Variants in MIPOL1 observed in about 807,000 individuals in gnomAD.
The protein encoded by MIPOL1 is mirror-image polydactyly gene 1 protein.
A neutral mutation model predicts 60.9 loss-of-function variants in MIPOL1; 57 were observed. The observed-to-expected ratio is 0.94, with a 90% CI of 0.76 to 1.17. MIPOL1 has a LOEUF of 1.17. Among genes scored for constraint, MIPOL1 ranks in the 50% most tolerant of loss-of-function variants. The pLI is 0.00. For missense variants in MIPOL1, 551 were observed against 511.6 expected (o/e 1.08, Z -0.74); for synonymous variants, 179 against 168.8 (o/e 1.06, Z -0.47).
intron 10 of MIPOL1, among the ~76,000 whole-genome samples, chr14:37,375,741 C>G (rs78766304): frequency 0.012 from 1,869 of 151,732 alleles, 12 homozygotes; most frequent in Middle Eastern, 0.031. Context: ...TCTCTTTTCT[C>G]TTCTCTACTC....
chr14:37,430,904 C>G (rs764064811), intron 11 of MIPOL1, among the ~76,000 whole-genome samples: 9 of 152,168 alleles, frequency 5.9e-5, no homozygotes, highest in Middle Eastern at 3.2e-3. Flanking sequence ...TCACAATTTT[C>G]TGCGCCTTAT....
rs142101979 is a variant in MIPOL1, at chr14:37,331,182, A to G, written c.828+22663A>G. On this transcript the variant is annotated intron_variant, in intron 9 of 12. Transcript: ENST00000684589. Reference sequence around the variant, plus strand: ...CAGGTCATATAATGCCTGAAGCTTTATTCTTTTTTTTTCAAGATTGCTTTG... The same window carrying G: ...CAGGTCATATAATGCCTGAAGCTTTGTTCTTTTTTTTTCAAGATTGCTTTG... Among the ~76,000 whole-genome samples, 404 of 150,332 alleles carry G rather than the reference A, an allele frequency of 2.7e-3. 1 individual carries two copies. The highest frequency in any genetic ancestry group is 2.9e-3 in the Non-Finnish European group (197 of 67,388).
intron 12 of MIPOL1, among the ~76,000 whole-genome samples, chr14:37,523,285 C>T (rs1385731338): frequency 2.6e-5 from 4 of 152,096 alleles, no homozygotes; most frequent in Admixed American, 6.5e-5. Context: ...GGATTTTGTC[C>T]GTTTAAAAAT....
In MIPOL1 at chr14:37,266,930, A is replaced by G. The variant is rs779127979; in HGVS notation, c.20-8A>G. ...TATATCATGTGTTATTTGTTTGTTT[A>G]AATACAGACATAACCCACAGTTATC... On this transcript the variant is annotated splice_polypyrimidine_tract_variant and splice_region_variant and intron_variant, in intron 3 of 12. Transcript: ENST00000684589. 6.3e-7 allele frequency: 1 copy of G among 1,584,838 alleles called. No individual in the cohort carries two copies. The highest frequency in any genetic ancestry group is 8.6e-7 in the Non-Finnish European group (1 of 1,156,510).
At chr14:37,307,651 A>C (rs1203128546) in intron 7 of MIPOL1, among the ~76,000 whole-genome samples, 2 of 151,982 alleles carry the variant, frequency 1.3e-5, no homozygotes, top group Non-Finnish European at 2.9e-5. Flanking sequence ...TAAACTTTGT[A>C]ATAAAAATAC....
At chr14:37,360,508 C>G (rs540774381) in intron 9 of MIPOL1, among the ~76,000 whole-genome samples, 1 of 152,268 alleles carries the variant, frequency 6.6e-6, no homozygotes, top group Admixed American at 6.5e-5. Context: ...TGTTATTGGT[C>G]TATTCAGAGA....
chr14:37,243,142 T>G (rs1474563972), intron 1 of MIPOL1, among the ~76,000 whole-genome samples: 1 of 152,216 alleles, frequency 6.6e-6, no homozygotes, highest in Non-Finnish European at 1.5e-5. Flanking sequence ...TTTTTAGTAA[T>G]GGAACTGTGG....
chr14:37,359,435 AT>A (rs1290388705), intron 9 of MIPOL1, among the ~76,000 whole-genome samples: 1 of 152,124 alleles, frequency 6.6e-6, no homozygotes, highest in African/African-American at 2.4e-5. Flanking sequence ...CAGTATGGCC[AT>A]TTTCATGATA....
chr14:37,366,126 A>G (rs2092462286), intron 9 of MIPOL1, among the ~76,000 whole-genome samples: 1 of 147,828 alleles, frequency 6.8e-6, no homozygotes. Flanking sequence ...TGTTATATTG[A>G]TCTCTTGTAT....
At chr14:37,202,658 G>A (rs890490698) in intron 1 of MIPOL1, among the ~76,000 whole-genome samples, 1 of 152,162 alleles carries the variant, frequency 6.6e-6, no homozygotes, top group Non-Finnish European at 1.5e-5. Flanking sequence ...TAATTTGTAC[G>A]ATCATCCTTA....
intron 9 of MIPOL1, among the ~76,000 whole-genome samples, chr14:37,363,659 C>T (rs1192561640): frequency 6.6e-6 from 1 of 152,182 alleles, no homozygotes; most frequent in East Asian, 1.9e-4. Flanking sequence ...CCACTGCTCT[C>T]TTCAGAGCTA....
In MIPOL1 at chr14:37,441,674, T is replaced by C. The variant is rs938728367; in HGVS notation, c.1031+18725T>C. Among the ~76,000 whole-genome samples the C allele has an allele frequency of 1.9e-4, 29 of 152,044 alleles. 2 individuals are homozygous for C. In the South Asian group the frequency reaches 5.8e-3, roughly 30 times the overall value. On this transcript the variant is annotated intron_variant, in intron 11 of 12. Coordinates refer to ENST00000684589, the MANE Select transcript of MIPOL1 (RefSeq NM_001388067.1). Reference sequence around the variant, plus strand: ...TTTGAAGTCAAGTAACATAATATACTGTAAAAAGCCTCTAGTTTTGTTTTG... The same window carrying C: ...TTTGAAGTCAAGTAACATAATATACCGTAAAAAGCCTCTAGTTTTGTTTTG...
rs759017725 is a variant in MIPOL1, at chr14:37,285,346, G to T, written c.522G>T (p.Gln174His). ...TGGTTGAAGAAGTGTATTTTGCGCA[G>T]AAGGAACGTGATGAAGCTGTTATGT... is the stretch of plus-strand genomic sequence containing the variant. ...AALVEEVYFAQKERDEAVMSR... is the reference protein window; with the variant it reads ...AALVEEVYFAHKERDEAVMSR... The change falls in exon 7 of 13, where the codon CAG becomes CAT. Residue 174 changes from glutamine to histidine, a missense_variant. Gln to His is a conservative substitution (Grantham distance 24). Coordinates refer to ENST00000684589, the MANE Select transcript of MIPOL1 (RefSeq NM_001388067.1). The T allele has an allele frequency of 4.3e-6, 7 of 1,614,030 alleles. No individual in the cohort carries two copies. The highest frequency in any genetic ancestry group is 5.1e-6 in the Non-Finnish European group (6 of 1,179,972).
chr14:37,265,106 T>G (rs1340735219), intron 3 of MIPOL1: 1 of 152,220 alleles, frequency 6.6e-6, no homozygotes. Flanking sequence ...CTCTTCATTT[T>G]TCCTAAATTT....
At chr14:37,268,364 G>A (rs941345508) in intron 4 of MIPOL1, among the ~76,000 whole-genome samples, 1 of 152,128 alleles carries the variant, frequency 6.6e-6, no homozygotes, top group African/African-American at 2.4e-5. Context: ...AAATAGTAGA[G>A]ATTGGGCTAA....
chr14:37,487,302 G>C (rs988969803), intron 11 of MIPOL1, among the ~76,000 whole-genome samples: 4 of 151,858 alleles, frequency 2.6e-5, no homozygotes, highest in African/African-American at 9.7e-5. Flanking sequence ...TTTTCTTTTT[G>C]TTTTGTTTGT....
intron 1 of MIPOL1, among the ~76,000 whole-genome samples, chr14:37,200,437 C>T (rs1485194934): frequency 6.6e-6 from 1 of 152,180 alleles, no homozygotes; most frequent in African/African-American, 2.4e-5. Context: ...ACAAGTTATT[C>T]AAGACTCCAC....
intron 7 of MIPOL1, among the ~76,000 whole-genome samples, chr14:37,307,129 T>C (rs1378149579): frequency 2.6e-5 from 4 of 151,842 alleles, no homozygotes; most frequent in Non-Finnish European, 5.9e-5. Context: ...CTTTGGCTAG[T>C]ATCCTATTTT....
intron 11 of MIPOL1, among the ~76,000 whole-genome samples, chr14:37,432,704 A>T (rs1325057336): frequency 6.6e-6 from 1 of 152,196 alleles, no homozygotes; most frequent in Non-Finnish European, 1.5e-5. Flanking sequence ...ATTAAAAAAA[A>T]AACTTAGGAA....
Sources: allele counts gnomAD v4.1 joint callset (sites outside exome capture counted in the v4.1 genomes callset), GRCh38; gene constraint gnomAD v4.1.1; transcripts MANE v1.5; gene names NCBI Gene and HGNC (gene_info 2026-07-23, HGNC 2026-07-21).